The following SPATS1 variants were observed in gnomAD, a reference collection of about 807,000 sequenced individuals.
The protein encoded by SPATS1 is spermatogenesis-associated serine-rich protein 1.
SPATS1 carries 23 observed loss-of-function variants against 33.6 expected under a neutral mutation model. That is an observed-to-expected ratio of 0.68 (90% CI 0.49 to 0.97). The LOEUF is 0.97. Ranked by LOEUF, SPATS1 falls within the 50% of genes least tolerant of loss-of-function variation. The pLI is 0.00. For synonymous variants in SPATS1, 131 were observed against 125.6 expected, an observed-to-expected ratio of 1.04 and a Z score of -0.29; for missense variants, 327 against 361.0, an observed-to-expected ratio of 0.91 and a Z score of 0.76.
intron 2 of SPATS1, among the ~76,000 whole-genome samples, chr6:44,344,389 A>ATGTGTG (rs200916956): frequency 0.024 from 3,019 of 124,704 alleles, 44 homozygotes; most frequent in Middle Eastern, 0.05. Flanking sequence ...AATTGAAGAT[A>ATGTGTG]CGTGTGTGTG....
In SPATS1 at chr6:44,342,702, G is replaced by A. The variant is rs757596070; in HGVS notation, c.-67G>A. 4.4e-6 allele frequency: 2 copies of A among 459,226 alleles called. No individual in the cohort carries two copies. Among genetic ancestry groups the A allele is most frequent in the South Asian group, 3.1e-5 (2 of 64,592 alleles). 28.4% of individuals were successfully genotyped at this position (459,226 alleles called of 1,614,324 possible). ...CGGCTGCGGTGTCCCTTTTGCCCTA[G>A]GCTCTCGGTTCTCAGGCCTCGGCGT... is the stretch of plus-strand genomic sequence containing the variant. On this transcript the variant is annotated 5_prime_UTR_variant, in exon 1 of 9. Transcript: ENST00000674044.
At position 44,360,484 on chromosome 6, in the gene SPATS1, A is replaced by G. The variant is rs1788849523; in HGVS notation, c.326A>G (p.His109Arg). 10 of 1,614,188 alleles carry G rather than the reference A, an allele frequency of 6.2e-6. No individual in the cohort carries two copies. The East Asian group carries it at 2.2e-4, about 36-fold the overall frequency. Residue 109 changes from histidine (H) to arginine (R), a missense_variant, in exon 4 of 9, where the codon CAT becomes CGT. By Grantham distance (29) the His-to-Arg change is conservative. Coordinates refer to ENST00000674044, the MANE Select transcript of SPATS1 (RefSeq NM_001372081.1). ...TTGGATCGGAAACTCTCCTTCTCAC[A>G]TTCTGATCACTCCTCTGAAATGTCG... ...ADLDRKLSFS[H>R]SDHSSEMSLP...
chr6:44,351,820 C>T (rs556593989), intron 2 of SPATS1, among the ~76,000 whole-genome samples: 2 of 152,244 alleles, frequency 1.3e-5, no homozygotes, highest in East Asian at 3.9e-4. Context: ...CTGCTTTGTG[C>T]CAGGCACTGT....
chr6:44,375,136 T>C (rs552272263), intron 7 of SPATS1, among the ~76,000 whole-genome samples: 2 of 152,254 alleles, frequency 1.3e-5, no homozygotes, highest in South Asian at 2.1e-4. Flanking sequence ...AGACTCTGGG[T>C]ATCTGCATTA....
chr6:44,344,001 A>G (rs1787721329), intron 2 of SPATS1, among the ~76,000 whole-genome samples: 1 of 152,170 alleles, frequency 6.6e-6, no homozygotes, highest in South Asian at 2.1e-4. Flanking sequence ...GGAGGGAGGT[A>G]CAACTCATTC....
rs1289199302 is a variant in SPATS1, at chr6:44,370,000, CTT to C, written c.696-49_696-48del. 3.6e-6 allele frequency: 5 copies of C among 1,399,020 alleles called. No individual in the cohort carries two copies. The African/African-American group carries it at 5.7e-5, about 16-fold the overall frequency. The allele number at this position is 1,399,020 out of a possible 1,614,324, so 86.7% of individuals were successfully genotyped here. A position where few individuals can be genotyped will look rare whatever the true frequency, so the allele number is the denominator to read the frequency against. On this transcript the variant is annotated intron_variant, in intron 6 of 8. Transcript: ENST00000674044. ...ATTGAATACAATGATGTATTGATCTCTTTGCTGTAGATGGCATACCAGTTTTA... is the reference window on the plus strand; with the variant it reads ...ATTGAATACAATGATGTATTGATCTCTGCTGTAGATGGCATACCAGTTTTA...
At chr6:44,374,847 G>A (rs1789834248) in intron 7 of SPATS1, among the ~76,000 whole-genome samples, 1 of 152,096 alleles carries the variant, frequency 6.6e-6, no homozygotes, top group African/African-American at 2.4e-5. Flanking sequence ...TCTACTATTT[G>A]GCTTGTTGGC....
rs2153366063 is a variant in SPATS1 at position 44,352,804 on chromosome 6, C to T, written c.218C>T (p.Ser73Leu). 6.2e-7 allele frequency: 1 copy of T among 1,614,154 alleles called. No individual in the cohort carries two copies. The highest frequency in any genetic ancestry group is 8.5e-7 in the Non-Finnish European group (1 of 1,179,994). ...TTPSGKSVSSSSSVETGPSVS... is the reference protein window; with the variant it reads ...TTPSGKSVSSLSSVETGPSVS... ...CCCTCTGGCAAAAGTGTCAGTTCCT[C>T]ATCTTCTGTGGAAACAGGCCCAAGT... is the stretch of plus-strand genomic sequence containing the variant. The change falls in exon 3 of 9, where the codon TCA (serine) becomes TTA (leucine). Residue 73 changes from serine (S) to leucine (L), a missense_variant. Ser to Leu is a moderately radical substitution (Grantham distance 145). Coordinates refer to ENST00000674044, the MANE Select transcript of SPATS1 (RefSeq NM_001372081.1).
chr6:44,369,724 T>A (rs1489608133), intron 6 of SPATS1, among the ~76,000 whole-genome samples: 2 of 151,518 alleles, frequency 1.3e-5, no homozygotes, highest in Non-Finnish European at 2.9e-5. Flanking sequence ...TACAAAAAAT[T>A]AGCTGGGCAT....
At chr6:44,366,082 C>T (rs1463531449) in intron 5 of SPATS1, among the ~76,000 whole-genome samples, 2 of 151,386 alleles carry the variant, frequency 1.3e-5, no homozygotes, top group East Asian at 1.9e-4. Flanking sequence ...TTCCTCCTGA[C>T]ATTATCTTGT....
intron 2 of SPATS1, among the ~76,000 whole-genome samples, chr6:44,347,833 T>G (rs1333945003): frequency 1.3e-5 from 2 of 152,318 alleles, no homozygotes; most frequent in African/African-American, 4.8e-5. Flanking sequence ...GTTAGGGTTT[T>G]TGTCAGTACT....
chr6:44,349,998 C>T (rs999378114), intron 2 of SPATS1, among the ~76,000 whole-genome samples: 1 of 152,192 alleles, frequency 6.6e-6, no homozygotes, highest in Non-Finnish European at 1.5e-5. Flanking sequence ...CTCATCCTCA[C>T]CTGCTGCTTG....
chr6:44,361,093 G>A (rs1225915240), intron 4 of SPATS1, among the ~76,000 whole-genome samples: 1 of 152,116 alleles, frequency 6.6e-6, no homozygotes, highest in African/African-American at 2.4e-5. Context: ...CATCCATAAA[G>A]CCACATGGCC....
chr6:44,362,848 T>G (rs965404349), intron 5 of SPATS1, among the ~76,000 whole-genome samples: 4 of 152,138 alleles, frequency 2.6e-5, no homozygotes, highest in Non-Finnish European at 5.9e-5. Flanking sequence ...TGCACTTTTT[T>G]TTTTTTTGAG....
At chr6:44,342,911 C>G in intron 1 of SPATS1, 143 bp downstream of exon 1, 1 of 1,249,558 alleles carries the variant, frequency 8.0e-7, no homozygotes, top group Non-Finnish European at 1.1e-6. Flanking sequence ...CTCGCTGGGG[C>G]TCCCAGGGCT....
chr6:44,350,297 C>A (rs1211571609), intron 2 of SPATS1, among the ~76,000 whole-genome samples: 1 of 152,188 alleles, frequency 6.6e-6, no homozygotes, highest in Non-Finnish European at 1.5e-5. Context: ...GGAAGTGGAA[C>A]TGGATAAAAT....
At chr6:44,357,735 G>A (rs1295843215) in intron 3 of SPATS1, among the ~76,000 whole-genome samples, 3 of 152,038 alleles carry the variant, frequency 2.0e-5, no homozygotes, top group South Asian at 2.1e-4. Flanking sequence ...ATGTTTCCCC[G>A]GCTGGTCTCG....
intron 7 of SPATS1, among the ~76,000 whole-genome samples, chr6:44,370,610 AAGAGAT>A (rs1056329694): frequency 7.2e-5 from 11 of 152,144 alleles, no homozygotes; most frequent in Admixed American, 1.3e-4. Flanking sequence ...CTGACCTATA[AAGAGAT>A]ATTTTCTTTT....
chr6:44,358,581 C>T lies in SPATS1; in HGVS notation c.288-1865C>T, dbSNP rs548360043. On this transcript the variant is annotated intron_variant, in intron 3 of 8. Transcript: ENST00000674044. ...TAATTCACATACCTTAAAAGTCACCCACTTAAACTGTGCACACAACTCGAT... is the reference window on the plus strand; with the variant it reads ...TAATTCACATACCTTAAAAGTCACCTACTTAAACTGTGCACACAACTCGAT... Among the ~76,000 whole-genome samples the T allele has an allele frequency of 5.9e-5, 9 of 152,244 alleles. No individual in the cohort carries two copies. The South Asian group carries it at 1.7e-3, about 28-fold the overall frequency.
Sources: gnomAD v4.1 joint callset for allele counts (sites outside exome capture counted in the v4.1 genomes callset) on GRCh38, gnomAD v4.1.1 for gene constraint, MANE v1.5 for transcripts, NCBI Gene and HGNC (gene_info 2026-07-23, HGNC 2026-07-21) for gene names.